The following SYT13 variants were observed in gnomAD, a reference collection of about 807,000 sequenced individuals.
The protein encoded by SYT13 is synaptotagmin 13.
SYT13 carries 21 observed loss-of-function variants against 38.6 expected under a neutral mutation model. That is an observed-to-expected ratio of 0.54 (90% CI 0.39 to 0.78). The LOEUF (loss-of-function observed/expected upper bound fraction) is 0.78, where lower values mean the gene tolerates loss of function less well. SYT13 is among the 30% of genes least tolerant of loss of function. The pLI, the probability that SYT13 is intolerant of heterozygous loss-of-function variation, is 0.00. For synonymous variants in SYT13, 241 were observed against 237.6 expected, an observed-to-expected ratio of 1.01 and a Z score of -0.13; for missense variants, 495 against 548.7, an observed-to-expected ratio of 0.90 and a Z score of 0.98.
intron 1 of SYT13, among the ~76,000 whole-genome samples, chr11:45,274,705 C>T (rs1854989084): frequency 1.3e-5 from 2 of 152,198 alleles, no homozygotes; most frequent in Non-Finnish European, 1.5e-5. Context: ...TTTACCCAAC[C>T]TTATCTGCAT....
intron 1 of SYT13, among the ~76,000 whole-genome samples, chr11:45,264,862 G>A (rs957619043): frequency 6.6e-6 from 1 of 152,224 alleles, no homozygotes. Context: ...ACAAGGATGT[G>A]AGACATTTGG....
chr11:45,283,202 A>G (rs934811822), intron 1 of SYT13, among the ~76,000 whole-genome samples: 11 of 152,262 alleles, frequency 7.2e-5, no homozygotes, highest in Admixed American at 3.9e-4. Context: ...AATCACTACA[A>G]ACTTCAACTT....
At chr11:45,278,402 G>T (rs545882616) in intron 1 of SYT13, among the ~76,000 whole-genome samples, 42 of 152,116 alleles carry the variant, frequency 2.8e-4, no homozygotes, top group South Asian at 2.1e-4. Context: ...TGGAATGGTT[G>T]TGTCTTATTT....
Position 45,246,260 on chromosome 11 carries a change from G to A in SYT13, c.976+123C>T, listed in dbSNP as rs559616287. 1.9e-4 allele frequency: 269 copies of A among 1,393,854 alleles called. 1 individual carries two copies. In the African/African-American group the frequency reaches 3.2e-3, roughly 17 times the overall value. The allele number at this position is 1,393,854 out of a possible 1,614,324, so 86.3% of individuals were successfully genotyped here. On this transcript the variant is annotated intron_variant, in intron 5 of 5. Coordinates refer to ENST00000020926, the MANE Select transcript of SYT13 (RefSeq NM_020826.3). The stretch of plus-strand genomic sequence containing the variant: ...GAAGAACACCGCTGAGCATGGCTCC[G>A]TAGATGTGCTCATATTCCACCTCCC...
At chr11:45,285,467 G>A (rs545001156) in intron 1 of SYT13, among the ~76,000 whole-genome samples, 2 of 152,172 alleles carry the variant, frequency 1.3e-5, no homozygotes, top group South Asian at 2.1e-4. Flanking sequence ...TCTAGACCCC[G>A]CTAGCTAGCT....
intron 1 of SYT13, chr11:45,269,500 AC>A: frequency 2.3e-6 from 3 of 1,287,126 alleles, no homozygotes; most frequent in Non-Finnish European, 3.0e-6. Flanking sequence ...TTCATATGTA[AC>A]AGATGCTCTG....
chr11:45,250,817 G>T (rs1854665055), intron 4 of SYT13, among the ~76,000 whole-genome samples: 1 of 152,178 alleles, frequency 6.6e-6, no homozygotes, highest in Admixed American at 6.5e-5. Flanking sequence ...TGCAGTCTGG[G>T]TGTCTATTAG....
chr11:45,286,178 C>T lies in SYT13; in HGVS notation c.30G>A (p.Leu10=). Residue 10 remains leucine, a synonymous_variant, in exon 1 of 6, where the codon CTG becomes CTA. Transcript: ENST00000020926. ...TGGTGGCTGTGCCCAGCGTGGCGCC[C>T]AGCGCGATCACAGGCACCGACAGCA... MVLSVPVIA[L]GATLGTATSI... 1 of 1,577,686 alleles carries T rather than the reference C, an allele frequency of 6.3e-7. No homozygotes were observed. Among genetic ancestry groups the T allele is most frequent in the Non-Finnish European group, 8.6e-7 (1 of 1,165,794 alleles).
At chr11:45,269,393 T>C (rs539290524) in intron 1 of SYT13, 80 of 1,131,218 alleles carry the variant, frequency 7.1e-5, no homozygotes, top group Non-Finnish European at 8.7e-5. Context: ...AACCCCAAGA[T>C]GGCAAGATCC....
intron 2 of SYT13, 32 bp downstream of exon 2, chr11:45,255,634 C>T (rs1854734533): frequency 1.3e-6 from 2 of 1,599,386 alleles, no homozygotes; most frequent in South Asian, 1.1e-5. Context: ...GGAGTGCTGC[C>T]CATGGAAGTG....
Position 45,240,501 on chromosome 11 carries a change from T to A in SYT13, c.*3551A>T, listed in dbSNP as rs1370739512. 6.6e-6 allele frequency: 1 copy of A among 152,594 alleles called. No individual in the cohort carries two copies. The highest frequency in any genetic ancestry group is 1.5e-5 in the Non-Finnish European group (1 of 68,042). The allele number at this position is 152,594 out of a possible 1,614,324, so 9.5% of individuals were successfully genotyped here. On this transcript the variant is annotated 3_prime_UTR_variant, in exon 6 of 6. Coordinates refer to ENST00000020926, the MANE Select transcript of SYT13 (RefSeq NM_020826.3). ...GTTGGTTTAGGTTACAGCCACATTT[T>A]ACCCAGGACTCCTTTACATCCAAGA... is the stretch of plus-strand genomic sequence containing the variant.
intron 5 of SYT13, among the ~76,000 whole-genome samples, chr11:45,246,101 T>C (rs1468586512): frequency 2.6e-5 from 4 of 152,142 alleles, no homozygotes; most frequent in African/African-American, 9.7e-5. Flanking sequence ...ATGGTTCTCA[T>C]AGTGGATCTC....
intron 1 of SYT13, among the ~76,000 whole-genome samples, chr11:45,264,825 T>C (rs1854862084): frequency 6.6e-6 from 1 of 152,124 alleles, no homozygotes; most frequent in Non-Finnish European, 1.5e-5. Flanking sequence ...ATGGCTAAAA[T>C]CAAAAAGACT....
intron 1 of SYT13, among the ~76,000 whole-genome samples, chr11:45,270,276 A>G (rs1854934192): frequency 6.6e-6 from 1 of 152,202 alleles, no homozygotes; most frequent in Non-Finnish European, 1.5e-5. Flanking sequence ...ATTGTTTAAT[A>G]TTGGTTCATT....
intron 1 of SYT13, among the ~76,000 whole-genome samples, chr11:45,283,120 C>A (rs1855093837): frequency 6.6e-6 from 1 of 152,190 alleles, no homozygotes; most frequent in African/African-American, 2.4e-5. Context: ...TGCACTCCAG[C>A]CTGTGTGATG....
rs1854580740 is a variant in SYT13 at position 45,243,769 on chromosome 11, GCCTAACCCCAC to G, written c.*272_*282del. 1 of 362,456 alleles carries G rather than the reference GCCTAACCCCAC, an allele frequency of 2.8e-6. No individual in the cohort carries two copies. The highest frequency in any genetic ancestry group is 4.5e-5 in the Admixed American group (1 of 22,360). 22.5% of individuals were successfully genotyped at this position (362,456 alleles called of 1,614,324 possible). On this transcript the variant is annotated 3_prime_UTR_variant, in exon 6 of 6. Coordinates refer to ENST00000020926, the MANE Select transcript of SYT13 (RefSeq NM_020826.3). ...CCACATTTAGCTTTCTCTGCATCTG[GCCTAACCCCAC>G]CTATAAAACAGGCATAGGAACTGTA...
intron 1 of SYT13, among the ~76,000 whole-genome samples, chr11:45,281,193 C>T (rs976736194): frequency 7.6e-6 from 1 of 132,202 alleles, no homozygotes; most frequent in South Asian, 2.6e-4. Flanking sequence ...AAGACTCTGT[C>T]TCAAAAAAAA....
chr11:45,267,818 C>A (rs990236425), intron 1 of SYT13, among the ~76,000 whole-genome samples: 2 of 152,118 alleles, frequency 1.3e-5, no homozygotes, highest in African/African-American at 2.4e-5. Context: ...GGGAAATCCA[C>A]CTTGAAGAGG....
At chr11:45,275,072 G>A (rs924725102) in intron 1 of SYT13, among the ~76,000 whole-genome samples, 24 of 152,198 alleles carry the variant, frequency 1.6e-4, no homozygotes, top group African/African-American at 5.8e-4. Flanking sequence ...ACCCTCCCCT[G>A]CTTCTCTGTG....
Sources: allele counts gnomAD v4.1 joint callset (sites outside exome capture counted in the v4.1 genomes callset), GRCh38; gene constraint gnomAD v4.1.1; transcripts MANE v1.5; gene names NCBI Gene and HGNC (gene_info 2026-07-23, HGNC 2026-07-21).